Variants in SPTBN1 observed in about 807,000 individuals in gnomAD.
SPTBN1 encodes spectrin beta, non-erythrocytic 1.
Under a neutral mutation model 266.4 loss-of-function variants are expected in SPTBN1, and 32 were observed. The observed-to-expected ratio is 0.12, with a 90% CI of 0.09 to 0.16. The LOEUF (loss-of-function observed/expected upper bound fraction) is 0.16. SPTBN1 is among the 10% of genes least tolerant of loss of function. SPTBN1 has a pLI of 1.00. For synonymous variants in SPTBN1, 1,336 were observed against 1,162.2 expected, an observed-to-expected ratio of 1.15 and a Z score of -3.04; for missense variants, 2,296 against 3,067.1, an observed-to-expected ratio of 0.75 and a Z score of 5.94.
intron 1 of SPTBN1, among the ~76,000 whole-genome samples, chr2:54,499,555 C>G (rs1331065736): frequency 6.6e-6 from 1 of 152,166 alleles, no homozygotes; most frequent in Non-Finnish European, 1.5e-5. Flanking sequence ...GGTTGCTTTA[C>G]ATGTGAAAAA....
chr2:54,575,187 T>C (rs567621281), intron 2 of SPTBN1, among the ~76,000 whole-genome samples: 2 of 152,374 alleles, frequency 1.3e-5, no homozygotes, highest in South Asian at 4.1e-4. Flanking sequence ...TCCAGAGCGT[T>C]GTGTATTTGA....
intron 2 of SPTBN1, among the ~76,000 whole-genome samples, chr2:54,573,326 G>T (rs1326592807): frequency 1.3e-5 from 2 of 152,192 alleles, no homozygotes; most frequent in Non-Finnish European, 2.9e-5. Context: ...TTCCACCTCA[G>T]ATCATCAGGC....
At position 54,538,120 on chromosome 2, in the gene SPTBN1, G is replaced by A. The variant is rs903184616; in HGVS notation, c.148+11554G>A. Among the ~76,000 whole-genome samples, 4 of 152,062 alleles carry A rather than the reference G, an allele frequency of 2.6e-5. No individual in the cohort carries two copies. The South Asian group carries it at 8.3e-4, about 32-fold the overall frequency. On this transcript the variant is annotated intron_variant, in intron 2 of 35. Coordinates refer to ENST00000356805, the MANE Select transcript of SPTBN1 (RefSeq NM_003128.3). ...GCAAGGTGATGTTTACCATTGGTTG[G>A]TTACTTAAAAAAAAGGAGCCCAATA... is the stretch of plus-strand genomic sequence containing the variant.
chr2:54,595,614 G>T (rs569083921), intron 2 of SPTBN1, among the ~76,000 whole-genome samples: 2 of 152,370 alleles, frequency 1.3e-5, no homozygotes, highest in East Asian at 3.9e-4. Flanking sequence ...GCCCTTGGTG[G>T]CGTGAGTGGG....
chr2:54,602,252 G>T (rs2103712889), intron 3 of SPTBN1, among the ~76,000 whole-genome samples: 1 of 152,252 alleles, frequency 6.6e-6, no homozygotes, highest in African/African-American at 2.4e-5. Flanking sequence ...CATTGGATTG[G>T]CAGATAAAAG....
intron 5 of SPTBN1, among the ~76,000 whole-genome samples, chr2:54,616,936 G>GA (rs1285543365): frequency 2.6e-5 from 4 of 152,134 alleles, no homozygotes; most frequent in Non-Finnish European, 4.4e-5. Context: ...TTCAGAATAT[G>GA]AAAATCAGAA....
At chr2:54,552,005 A>G (rs1268263970) in intron 2 of SPTBN1, among the ~76,000 whole-genome samples, 1 of 152,140 alleles carries the variant, frequency 6.6e-6, no homozygotes, top group Admixed American at 6.5e-5. Flanking sequence ...TGCCTTTCCC[A>G]GTGCATAATG....
At chr2:54,530,503 C>T (rs964007349) in intron 2 of SPTBN1, among the ~76,000 whole-genome samples, 5 of 151,384 alleles carry the variant, frequency 3.3e-5, no homozygotes, top group Non-Finnish European at 2.9e-5. Context: ...GGACTACAGG[C>T]GCCCGCCACC....
At position 54,629,546 on chromosome 2, in the gene SPTBN1, C is replaced by T. The variant is rs749696092; in HGVS notation, c.2412C>T (p.His804=). 61 of 1,613,982 alleles carry T rather than the reference C, an allele frequency of 3.8e-5. No individual in the cohort carries two copies. Among genetic ancestry groups the T allele is most frequent in the Non-Finnish European group, 4.5e-5 (53 of 1,180,062 alleles). ...ACAGGCCCACCCTTGACACGCTGCACGAACAAGCCAGCGCCCTCCCCCAGG... is the reference window on the plus strand; with the variant it reads ...ACAGGCCCACCCTTGACACGCTGCATGAACAAGCCAGCGCCCTCCCCCAGG... ...ANYRPTLDTL[H]EQASALPQEH... Residue 804 remains histidine, a synonymous_variant, in exon 14 of 36, where the codon CAC becomes CAT. Transcript: ENST00000356805.
Position 54,526,463 on chromosome 2 carries a change from G to A in SPTBN1, c.45G>A (p.Gln15=). Residue 15 remains glutamine (Q), a synonymous_variant, in exon 2 of 36, where the codon CAG becomes CAA. Coordinates refer to ENST00000356805, the MANE Select transcript of SPTBN1 (RefSeq NM_003128.3). The part of the protein sequence containing the change: ...VATDYDNIEI[Q]QQYSDVNNRW... ...CAGACTATGACAACATTGAGATCCA[G>A]CAGCAGTACAGTGATGTCAACAACC... is the stretch of plus-strand genomic sequence containing the variant. 1 of 1,614,188 alleles carries A rather than the reference G, an allele frequency of 6.2e-7. No homozygotes were observed. The highest frequency in any genetic ancestry group is 8.5e-7 in the Non-Finnish European group (1 of 1,180,030).
chr2:54,524,373 G>T (rs1397548836), intron 1 of SPTBN1, among the ~76,000 whole-genome samples: 2 of 151,930 alleles, frequency 1.3e-5, no homozygotes, highest in African/African-American at 4.8e-5. Context: ...AAATATGCGG[G>T]AATTTAACCA....
At chr2:54,592,305 G>T (rs950381403) in intron 2 of SPTBN1, among the ~76,000 whole-genome samples, 2 of 152,170 alleles carry the variant, frequency 1.3e-5, no homozygotes, top group Middle Eastern at 3.2e-3. Context: ...ATGGTGGAGA[G>T]GATATTCACA....
chr2:54,515,743 T>G (rs192560978), intron 1 of SPTBN1: 1 of 152,298 alleles, frequency 6.6e-6, no homozygotes, highest in African/African-American at 2.4e-5. Context: ...CCCAGGCTGG[T>G]CTCGAACTCA....
chr2:54,474,541 G>T (rs746600007), intron 1 of SPTBN1, among the ~76,000 whole-genome samples: 4 of 152,114 alleles, frequency 2.6e-5, no homozygotes, highest in Non-Finnish European at 5.9e-5. Context: ...TATAGGTAAA[G>T]CAGTTAGACT....
chr2:54,652,679 G>A (rs1680375527), intron 26 of SPTBN1: 1 of 152,212 alleles, frequency 6.6e-6, no homozygotes, highest in South Asian at 2.1e-4. Flanking sequence ...TGTAGGAGCT[G>A]TAGTCTGTTA....
At chr2:54,460,534 G>A (rs10184219) in intron 1 of SPTBN1, among the ~76,000 whole-genome samples, 10,518 of 152,092 alleles carry the variant, frequency 0.069, 685 homozygotes, top group African/African-American at 0.15. Flanking sequence ...CTGGAGCCTC[G>A]GAAGCTAACC....
intron 1 of SPTBN1, among the ~76,000 whole-genome samples, chr2:54,513,125 A>G (rs1669942185): frequency 6.6e-6 from 1 of 152,180 alleles, no homozygotes; most frequent in Non-Finnish European, 1.5e-5. Context: ...CAGTGAGCCA[A>G]CACTGCACCA....
chr2:54,571,875 A>G (rs569217354), intron 2 of SPTBN1, among the ~76,000 whole-genome samples: 5 of 152,248 alleles, frequency 3.3e-5, no homozygotes, highest in African/African-American at 4.8e-5. Flanking sequence ...CACTTAATAA[A>G]TGATGTCTTG....
intron 2 of SPTBN1, among the ~76,000 whole-genome samples, chr2:54,596,803 A>G (rs957520841): frequency 6.6e-6 from 1 of 152,032 alleles, no homozygotes; most frequent in Non-Finnish European, 1.5e-5. Context: ...TGTTCTCTGC[A>G]CCCACCCATG....
Sources: gnomAD v4.1 joint callset for allele counts (sites outside exome capture counted in the v4.1 genomes callset) on GRCh38, gnomAD v4.1.1 for gene constraint, MANE v1.5 for transcripts, NCBI Gene and HGNC (gene_info 2026-07-23, HGNC 2026-07-21) for gene names.